Variants in WDR70 observed in about 807,000 individuals in gnomAD.
WDR70 encodes the protein WD repeat-containing protein 70.
WDR70 carries 53 observed loss-of-function variants against 88.6 expected under a neutral mutation model. That is an observed-to-expected ratio of 0.60 (90% CI 0.48 to 0.75). The LOEUF is 0.75. WDR70 is among the 30% of genes least tolerant of loss of function. The pLI is 0.00. For synonymous variants in WDR70, 280 were observed against 270.0 expected (o/e 1.04, Z -0.36); for missense variants, 610 against 823.2 (o/e 0.74, Z 3.17).
chr5:37,712,293 A>G (rs1747537343), intron 13 of WDR70, among the ~76,000 whole-genome samples: 1 of 152,032 alleles, frequency 6.6e-6, no homozygotes, highest in Admixed American at 6.5e-5. Context: ...ACCCGGCCAC[A>G]TTTTCTTTTA....
At chr5:37,639,790 G>T (rs557473365) in intron 10 of WDR70, among the ~76,000 whole-genome samples, 3 of 152,082 alleles carry the variant, frequency 2.0e-5, no homozygotes, top group Admixed American at 2.0e-4. Context: ...TAATAATATG[G>T]CAACTGTTTC....
chr5:37,468,438 T>A (rs1365604983), intron 7 of WDR70, among the ~76,000 whole-genome samples: 1 of 152,186 alleles, frequency 6.6e-6, no homozygotes. Flanking sequence ...CTTTAAAAAA[T>A]TTTATTTATT....
intron 7 of WDR70, among the ~76,000 whole-genome samples, chr5:37,468,149 T>C (rs1194119019): frequency 1.3e-5 from 2 of 152,196 alleles, no homozygotes; most frequent in Non-Finnish European, 1.5e-5. Context: ...GCGCCCGGCC[T>C]ATCATATGAA....
intron 10 of WDR70, among the ~76,000 whole-genome samples, chr5:37,612,221 A>G (rs1744210899): frequency 6.6e-6 from 1 of 152,178 alleles, no homozygotes; most frequent in Non-Finnish European, 1.5e-5. Context: ...TGAAATATAA[A>G]GAGCAATGCT....
At chr5:37,693,299 A>G (rs1746867297) in intron 10 of WDR70, among the ~76,000 whole-genome samples, 1 of 152,250 alleles carries the variant, frequency 6.6e-6, no homozygotes, top group African/African-American at 2.4e-5. Context: ...GGTAATTTAT[A>G]GATTCAATGC....
intron 10 of WDR70, among the ~76,000 whole-genome samples, chr5:37,675,841 C>T (rs1314832553): frequency 7.2e-5 from 11 of 152,062 alleles, no homozygotes; most frequent in South Asian, 2.1e-4. Flanking sequence ...GCCATTTTCA[C>T]GATATTTATT....
chr5:37,502,395 C>T (rs1444541725), intron 8 of WDR70, among the ~76,000 whole-genome samples: 1 of 152,006 alleles, frequency 6.6e-6, no homozygotes, highest in Admixed American at 6.6e-5. Flanking sequence ...AACTTTTCCC[C>T]ATTTAGTATG....
intron 9 of WDR70, among the ~76,000 whole-genome samples, chr5:37,594,890 C>T (rs990491436): frequency 3.9e-5 from 6 of 152,098 alleles, no homozygotes; most frequent in African/African-American, 1.4e-4. Context: ...GTATTTTATT[C>T]TCTTTGAAGC....
chr5:37,598,402 A>G (rs963960132), intron 9 of WDR70, among the ~76,000 whole-genome samples: 1 of 152,196 alleles, frequency 6.6e-6, no homozygotes, highest in Non-Finnish European at 1.5e-5. Flanking sequence ...ATTAAATGAG[A>G]TTAGGGATAT....
chr5:37,611,993 G>C (rs975230389), intron 10 of WDR70, among the ~76,000 whole-genome samples: 1 of 151,906 alleles, frequency 6.6e-6, no homozygotes, highest in Non-Finnish European at 1.5e-5. Flanking sequence ...ACCTCATCTA[G>C]GTGTCTTCTC....
intron 9 of WDR70, among the ~76,000 whole-genome samples, chr5:37,588,512 C>A (rs150120219): frequency 3.0e-4 from 45 of 152,114 alleles, no homozygotes; most frequent in African/African-American, 1.1e-3. Flanking sequence ...CGCTCATCTT[C>A]CTTGCTCCCT....
At chr5:37,518,884 A>T (rs940338473) in intron 9 of WDR70, among the ~76,000 whole-genome samples, 1 of 152,116 alleles carries the variant, frequency 6.6e-6, no homozygotes, top group South Asian at 2.1e-4. Flanking sequence ...GGGAGTGGTG[A>T]TGACTCTTAA....
At chr5:37,557,947 T>TCAAAAGAGTA (rs1742348955) in intron 9 of WDR70, among the ~76,000 whole-genome samples, 1 of 151,202 alleles carries the variant, frequency 6.6e-6, no homozygotes, top group African/African-American at 2.4e-5. Flanking sequence ...TGAATACTCT[T>TCAAAAGAGTA]CAAAAGAGTA....
intron 10 of WDR70, among the ~76,000 whole-genome samples, chr5:37,689,082 G>T (rs1746700875): frequency 6.6e-6 from 1 of 152,094 alleles, no homozygotes; most frequent in South Asian, 2.1e-4. Context: ...CTTGCTCACT[G>T]CTAGCGCAGC....
At chr5:37,687,151 A>G (rs1198506800) in intron 10 of WDR70, among the ~76,000 whole-genome samples, 1 of 152,090 alleles carries the variant, frequency 6.6e-6, no homozygotes, top group Non-Finnish European at 1.5e-5. Flanking sequence ...AAGTGTGAGG[A>G]TATTTGTCAT....
At chr5:37,411,913 TATTA>T (rs1034509820) in intron 5 of WDR70, among the ~76,000 whole-genome samples, 6 of 151,882 alleles carry the variant, frequency 4.0e-5, no homozygotes, top group African/African-American at 9.7e-5. Context: ...ATATTAAAAA[TATTA>T]ATTATATTAT....
chr5:37,699,986 A>C lies in WDR70; in HGVS notation c.1193-1072A>C, dbSNP rs565718178. Among the ~76,000 whole-genome samples the C allele has an allele frequency of 8.0e-5, 12 of 149,776 alleles. No homozygotes were observed. In the South Asian group the frequency reaches 1.5e-3, roughly 19 times the overall value. ...AACAAAAACAAAAACAAAAAAAAAAACAGACTAAAAGCAATAAAGTAACAT... is the reference window on the plus strand; with the variant it reads ...AACAAAAACAAAAACAAAAAAAAAACCAGACTAAAAGCAATAAAGTAACAT... On this transcript the variant is annotated intron_variant, in intron 11 of 17. Coordinates refer to ENST00000265107, the MANE Select transcript of WDR70 (RefSeq NM_018034.4).
At chr5:37,401,755 G>A (rs1219805386) in intron 5 of WDR70, among the ~76,000 whole-genome samples, 1 of 152,072 alleles carries the variant, frequency 6.6e-6, no homozygotes, top group Non-Finnish European at 1.5e-5. Context: ...ATTGTGCCTG[G>A]CCAAGATTAT....
At position 37,415,297 on chromosome 5, in the gene WDR70, T is replaced by C. The variant is rs371225599; in HGVS notation, c.492+18727T>C. The stretch of plus-strand genomic sequence containing the variant: ...GGCCCGTTCTCAATGAGCTGTTGGG[T>C]ACACCTCCCAGACGGGGTGGTGGCC... On this transcript the variant is annotated intron_variant, in intron 5 of 17. Transcript: ENST00000265107. Among the ~76,000 whole-genome samples the C allele has an allele frequency of 5.3e-5, 8 of 151,286 alleles. No individual in the cohort carries two copies. The South Asian group carries it at 8.3e-4, about 16-fold the overall frequency.
Sources: allele counts gnomAD v4.1 joint callset (sites outside exome capture counted in the v4.1 genomes callset), GRCh38; gene constraint gnomAD v4.1.1; transcripts MANE v1.5; gene names NCBI Gene and HGNC (gene_info 2026-07-23, HGNC 2026-07-21).